POM121: variants seen among roughly 807,000 people sequenced by gnomAD.
POM121 encodes the protein nuclear envelope pore membrane protein POM 121.
POM121 carries 32 observed loss-of-function variants against 81.3 expected under a neutral mutation model. That is an observed-to-expected ratio of 0.39 (90% CI 0.30 to 0.53). The LOEUF is 0.53. POM121 is among the 20% of genes least tolerant of loss of function. POM121 has a pLI of 0.66. For synonymous variants in POM121, 514 were observed against 694.2 expected (o/e 0.74, Z 4.08); for missense variants, 1,138 against 1,614.6 (o/e 0.70, Z 5.06).
chr7:72,933,166 A>C (rs1473662842), intron 5 of POM121, among the ~76,000 whole-genome samples: 1 of 152,150 alleles, frequency 6.6e-6, no homozygotes, highest in African/African-American at 2.4e-5. Context: ...AGCCTGGCCA[A>C]CGTGGCAAAA....
chr7:72,924,008 C>G (rs1220157127), upstream of POM121, among the ~76,000 whole-genome samples: 2 of 144,046 alleles, frequency 1.4e-5, no homozygotes, highest in Admixed American at 6.9e-5. Context: ...TGCAGTGGCG[C>G]AATCTCGGCT....
Position 72,943,057 on chromosome 7 carries a change from G to A in POM121, c.3064G>A (p.Val1022Met), listed in dbSNP as rs782130789. 8.1e-6 allele frequency: 13 copies of A among 1,613,874 alleles called. 1 individual carries two copies. The highest frequency in any genetic ancestry group is 5.3e-5 in the African/African-American group (4 of 75,056). Residue 1022 changes from valine to methionine, a missense_variant, in exon 11 of 13, where the codon GTG becomes ATG. Physicochemically the swap from Val to Met is conservative, Grantham distance 21. Around this residue, in one of 7 missense-constraint regions of POM121, gnomAD observed 336 missense variants for 344.3 expected, o/e 0.98. Coordinates refer to ENST00000434423, the MANE Select transcript of POM121 (RefSeq NM_001387691.1). ...PSMIKVVPAY[V>M]PTPIHPIFGG... is the part of the protein sequence containing the mutation. ...CATGATCAAGGTCGTGCCTGCGTAC[G>A]TGCCTACGCCCATCCATCCTATCTT...
chr7:72,892,108 C>T (rs1383889471), intron 3 of POM121, among the ~76,000 whole-genome samples: 1 of 152,210 alleles, frequency 6.6e-6, no homozygotes, highest in Non-Finnish European at 1.5e-5. Context: ...AAGTGAATGT[C>T]GGTTCCTTTT....
chr7:72,949,762 G>A (rs187016392), downstream of POM121: 13 of 889,140 alleles, frequency 1.5e-5, no homozygotes, highest in African/African-American at 6.6e-5. Context: ...AGAGTTAAGC[G>A]AAAGTCATCC....
rs1239246471 is a variant in POM121, at chr7:72,930,073, A to G, written c.1237A>G (p.Ile413Val). 6.2e-7 allele frequency: 1 copy of G among 1,613,758 alleles called. No individual in the cohort carries two copies. The highest frequency in any genetic ancestry group is 1.3e-5 in the African/African-American group (1 of 74,922). ...SGIPSSSRNAITSSYSSTRGI... is the reference protein window; with the variant it reads ...SGIPSSSRNAVTSSYSSTRGI... ...CATCCCTAGCTCCAGCCGCAATGCC[A>G]TTACCAGTTCCTACAGCTCCACTCG... The change falls in exon 5 of 13, where the codon ATT becomes GTT. Residue 413 changes from isoleucine (I) to valine (V), a missense_variant. Ile to Val is a conservative substitution (Grantham distance 29). Around this residue, in one of 7 missense-constraint regions of POM121, gnomAD observed 646 missense variants for 633.5 expected, o/e 1.02. Coordinates refer to ENST00000434423, the MANE Select transcript of POM121 (RefSeq NM_001387691.1).
chr7:72,887,056 C>G (rs1236357394), intron 1 of POM121, among the ~76,000 whole-genome samples: 5 of 151,888 alleles, frequency 3.3e-5, no homozygotes, highest in African/African-American at 1.2e-4. Context: ...CACACTGTTG[C>G]TCTTTATTTG....
chr7:72,925,182 A>G lies in POM121; in HGVS notation c.61A>G (p.Arg21Gly). Residue 21 changes from arginine (R) to glycine (G), a missense_variant, in exon 1 of 13, where the codon AGG becomes GGG. This residue lies in a region of POM121 where 646 missense variants were observed against 633.5 expected (regional missense o/e 1.02). Transcript: ENST00000434423. ...GERRRPIASV[R>G]DGRGRGCGGP... ...GCGGCGGCGGCCCATAGCGAGTGTC[A>G]GGGACGGCCGGGGCCGGGGCTGCGG... is the stretch of plus-strand genomic sequence containing the variant. 2.6e-6 allele frequency: 4 copies of G among 1,515,524 alleles called. No individual in the cohort carries two copies. The highest frequency in any genetic ancestry group is 3.5e-6 in the Non-Finnish European group (4 of 1,138,986). The allele number at this position is 1,515,524 out of a possible 1,614,324, so 93.9% of individuals were successfully genotyped here. A position where few individuals can be genotyped will look rare whatever the true frequency, so the allele number is the denominator to read the frequency against.
chr7:72,887,511 G>A (rs1300919782), intron 1 of POM121, among the ~76,000 whole-genome samples: 1 of 152,118 alleles, frequency 6.6e-6, no homozygotes, highest in Non-Finnish European at 1.5e-5. Flanking sequence ...TCTACTGCCT[G>A]ATAATCAGTG....
Position 72,939,403 on chromosome 7 carries a change from G to A in POM121, c.1435G>A (p.Glu479Lys). Residue 479 changes from glutamate to lysine, a missense_variant, in exon 7 of 13, where the codon GAA (glutamate) becomes AAA (lysine). This residue lies in a region of POM121 where 24 missense variants were observed against 54.3 expected (regional missense o/e 0.44). Coordinates refer to ENST00000434423, the MANE Select transcript of POM121 (RefSeq NM_001387691.1). The part of the protein sequence containing the change: ...PLAADRESQG[E>K]KAADTTPRKK... Reference sequence around the variant, plus strand: ...GGCAGCAGACAGGGAGTCCCAGGGAGAAAAGGGTAGGTTGCTGAGCCAGGA... The same window carrying A: ...GGCAGCAGACAGGGAGTCCCAGGGAAAAAAGGGTAGGTTGCTGAGCCAGGA... 6.2e-7 allele frequency: 1 copy of A among 1,613,816 alleles called. No homozygotes were observed. Among genetic ancestry groups the A allele is most frequent in the East Asian group, 2.2e-5 (1 of 44,896 alleles).
intron 5 of POM121, among the ~76,000 whole-genome samples, chr7:72,937,191 G>A (rs1563164218): frequency 6.6e-6 from 1 of 151,302 alleles, no homozygotes; most frequent in Non-Finnish European, 1.5e-5. Context: ...GGAGGCGGAG[G>A]TTGCAGTGAG....
At chr7:72,903,974 G>T (rs1554493063) in intron 3 of POM121, among the ~76,000 whole-genome samples, 2 of 152,150 alleles carry the variant, frequency 1.3e-5, no homozygotes, top group Non-Finnish European at 2.9e-5. Context: ...GCTAATTTTT[G>T]TATTTTTTAG....
downstream of POM121, chr7:72,948,554 T>C: frequency 6.2e-7 from 1 of 1,613,498 alleles, no homozygotes; most frequent in Non-Finnish European, 8.5e-7. Flanking sequence ...GGGGCTGGGC[T>C]GGGTGTGCGT....
chr7:72,946,266 C>G lies in POM121; in HGVS notation c.*32C>G, dbSNP rs782528933. ...TCCCCTGTCCCTGTTCCCCCCACCC[C>G]TTCCCTAAATCTGGACCTTGGCACC... On this transcript the variant is annotated 3_prime_UTR_variant, in exon 13 of 13. Transcript: ENST00000434423. 5.0e-6 allele frequency: 8 copies of G among 1,607,410 alleles called. No homozygotes were observed. The highest frequency in any genetic ancestry group is 2.2e-5 in the East Asian group (1 of 44,762).
chr7:72,889,896 T>C (rs1791132123), intron 1 of POM121, among the ~76,000 whole-genome samples: 2 of 151,992 alleles, frequency 1.3e-5, no homozygotes, highest in Non-Finnish European at 2.9e-5. Context: ...CTCCCCTTCA[T>C]CCCATAGAAT....
chr7:72,882,246 G>A (rs1790234218), intron 1 of POM121, among the ~76,000 whole-genome samples: 1 of 152,114 alleles, frequency 6.6e-6, no homozygotes, highest in African/African-American at 2.4e-5. Flanking sequence ...GGGGCCTCAG[G>A]AAACTTACAG....
intron 4 of POM121, among the ~76,000 whole-genome samples, chr7:72,915,818 G>A (rs1466975621): frequency 6.6e-6 from 1 of 152,174 alleles, no homozygotes; most frequent in African/African-American, 2.4e-5. Flanking sequence ...GATTATAGGC[G>A]CCCACCACCA....
In POM121 at chr7:72,946,557, G is replaced by A; in HGVS notation, c.*323G>A. 9.3e-7 allele frequency: 1 copy of A among 1,079,374 alleles called. No homozygotes were observed. The highest frequency in any genetic ancestry group is 3.8e-5 in the South Asian group (1 of 26,078). The allele number at this position is 1,079,374 out of a possible 1,614,324, so 66.9% of individuals were successfully genotyped here. ...TCCCGCTTAGCACACCCTTAGGCAG[G>A]CGCCCCTTCCACCTTTCCCCGAGAC... On this transcript the variant is annotated 3_prime_UTR_variant, in exon 13 of 13. Transcript: ENST00000434423.
Position 72,929,930 on chromosome 7 carries a change from C to T in POM121, c.1104-10C>T. On this transcript the variant is annotated splice_polypyrimidine_tract_variant and intron_variant, in intron 4 of 12. Coordinates refer to ENST00000434423, the MANE Select transcript of POM121 (RefSeq NM_001387691.1). Reference sequence around the variant, plus strand: ...TCAATAAAGCATCTAACTGTCTTCTCTTTTATTAGGCCTGGGTCTCTGAAG... The same window carrying T: ...TCAATAAAGCATCTAACTGTCTTCTTTTTTATTAGGCCTGGGTCTCTGAAG... 1 of 1,578,224 alleles carries T rather than the reference C, an allele frequency of 6.3e-7. No homozygotes were observed. The highest frequency in any genetic ancestry group is 8.6e-7 in the Non-Finnish European group (1 of 1,159,200).
rs782718310 is a variant in POM121 at position 72,943,181 on chromosome 7, T to C, written c.3188T>C (p.Val1063Ala). 1 of 1,613,334 alleles carries C rather than the reference T, an allele frequency of 6.2e-7. No homozygotes were observed. Among genetic ancestry groups the C allele is most frequent in the South Asian group, 1.1e-5 (1 of 91,044 alleles). Residue 1063 changes from valine (V) to alanine (A), a missense_variant, in exon 11 of 13, where the codon GTC becomes GCC. This residue lies in a region of POM121 where 336 missense variants were observed against 344.3 expected (regional missense o/e 0.98). Transcript: ENST00000434423. ...SQPAFGGSTA[V>A]FFGAATSSGF... Reference sequence around the variant, plus strand: ...CCCGCCTTTGGCGGCTCCACTGCTGTCTTCTTCGGTGCAGCCACCAGCTCC... The same window carrying C: ...CCCGCCTTTGGCGGCTCCACTGCTGCCTTCTTCGGTGCAGCCACCAGCTCC...
Sources: allele counts gnomAD v4.1 joint callset (sites outside exome capture counted in the v4.1 genomes callset), GRCh38; gene constraint gnomAD v4.1.1; regional missense constraint gnomAD v4.1.1; transcripts MANE v1.5; gene names NCBI Gene and HGNC (gene_info 2026-07-23, HGNC 2026-07-21).